Variants in PDK1 observed in about 807,000 individuals in gnomAD.
PDK1 encodes pyruvate dehydrogenase kinase 1.
A neutral mutation model predicts 54.2 loss-of-function variants in PDK1; 39 were observed. The ratio of observed to expected loss-of-function variants is 0.72; its 90% CI spans 0.56 to 0.94. The LOEUF is 0.94. PDK1 is among the 40% of genes least tolerant of loss of function. PDK1 has a pLI of 0.00. For synonymous variants in PDK1, 221 were observed against 207.1 expected (o/e 1.07, Z -0.58); for missense variants, 552 against 566.0 (o/e 0.98, Z 0.25).
chr2:172,593,800 GA>G (rs1690738043), intron 10 of PDK1, among the ~76,000 whole-genome samples: 1 of 152,008 alleles, frequency 6.6e-6, no homozygotes, highest in Admixed American at 6.5e-5. Flanking sequence ...TTACATGGTG[GA>G]AAAACACTAG....
At chr2:172,693,863 T>C in the PDK1 span, among the ~76,000 whole-genome samples, 1 of 152,126 alleles carries the variant, frequency 6.6e-6, no homozygotes, top group South Asian at 2.1e-4. Context: ...GCCCACTCCC[T>C]AACTACAATA....
the PDK1 span, among the ~76,000 whole-genome samples, chr2:172,673,099 AG>A: frequency 2.0e-3 from 303 of 152,328 alleles, 1 homozygote; most frequent in African/African-American, 7.0e-3. Context: ...ACTTGGAAGA[AG>A]GCCAAGTGGG....
the PDK1 span, chr2:172,724,132 C>T: frequency 6.6e-6 from 1 of 152,102 alleles, no homozygotes; most frequent in Non-Finnish European, 1.5e-5. Context: ...AATAATACTT[C>T]AATGTGCATC....
At chr2:172,584,888 T>G (rs1030642194) in intron 8 of PDK1, among the ~76,000 whole-genome samples, 1 of 151,124 alleles carries the variant, frequency 6.6e-6, no homozygotes, top group Non-Finnish European at 1.5e-5. Context: ...CAGGCTGGTC[T>G]GGAACTGCTG....
chr2:172,620,370 A>G, the PDK1 span, among the ~76,000 whole-genome samples: 10 of 152,276 alleles, frequency 6.6e-5, no homozygotes, highest in Non-Finnish European at 8.8e-5. Context: ...GGACTGAAAC[A>G]TGGCCACAGT....
chr2:172,698,573 C>T, the PDK1 span, among the ~76,000 whole-genome samples: 1 of 152,196 alleles, frequency 6.6e-6, no homozygotes, highest in African/African-American at 2.4e-5. Flanking sequence ...TGAGTGTGCA[C>T]CACAGCTATC....
At chr2:172,632,799 G>T in the PDK1 span, among the ~76,000 whole-genome samples, 1 of 151,740 alleles carries the variant, frequency 6.6e-6, no homozygotes, top group African/African-American at 2.4e-5. Context: ...GGCCAACATG[G>T]TGAAAACCCA....
intron 2 of PDK1, among the ~76,000 whole-genome samples, chr2:172,561,745 T>C (rs1030171968): frequency 6.6e-5 from 10 of 152,226 alleles, no homozygotes; most frequent in Admixed American, 5.2e-4. Context: ...CAATAAATAC[T>C]TGTTAGTTGG....
chr2:172,654,131 G>A, the PDK1 span, among the ~76,000 whole-genome samples: 1 of 152,206 alleles, frequency 6.6e-6, no homozygotes, highest in Non-Finnish European at 1.5e-5. Context: ...AGGTGCTGGA[G>A]AGGGTGTGGA....
chr2:172,559,797 C>T (rs1227532666), intron 2 of PDK1, among the ~76,000 whole-genome samples: 1 of 152,204 alleles, frequency 6.6e-6, no homozygotes, highest in Non-Finnish European at 1.5e-5. Context: ...GATCCTCCCA[C>T]CTTGGCTTCC....
the PDK1 span, among the ~76,000 whole-genome samples, chr2:172,699,904 G>A: frequency 1.3e-5 from 2 of 152,028 alleles, no homozygotes; most frequent in African/African-American, 2.4e-5. Context: ...GGGCCCTGCC[G>A]CCTTCCGAAC....
At chr2:172,695,406 C>G in the PDK1 span, among the ~76,000 whole-genome samples, 1 of 152,136 alleles carries the variant, frequency 6.6e-6, no homozygotes, top group Non-Finnish European at 1.5e-5. Flanking sequence ...ACATAGACAA[C>G]AGTCTATAGG....
rs1691317738 is a variant in PDK1, at chr2:172,606,925, A to G, written c.*10956A>G. ...ATTAAACAGTGGTAGTTTCTCTATC[A>G]TGCCACTTTTGTAGCATGCTTTGGG... On this transcript the variant is annotated 3_prime_UTR_variant, in exon 11 of 11. Coordinates refer to ENST00000282077, the MANE Select transcript of PDK1 (RefSeq NM_002610.5). 1.3e-5 allele frequency: 2 copies of G among 152,222 alleles called. No individual in the cohort carries two copies. Among genetic ancestry groups the G allele is most frequent in the African/African-American group, 4.8e-5 (2 of 41,538 alleles). The allele number at this position is 152,222 out of a possible 1,614,324, so 9.4% of individuals were successfully genotyped here.
At chr2:172,701,775 T>C in the PDK1 span, among the ~76,000 whole-genome samples, 1 of 152,038 alleles carries the variant, frequency 6.6e-6, no homozygotes, top group Admixed American at 6.6e-5. Context: ...CTTGGTGAAC[T>C]GAGCTCCTTA....
intron 8 of PDK1, among the ~76,000 whole-genome samples, chr2:172,579,897 C>G (rs1394939869): frequency 6.6e-6 from 1 of 151,940 alleles, no homozygotes; most frequent in African/African-American, 2.4e-5. Flanking sequence ...ACATCACTCC[C>G]TGTTTTTTAT....
the PDK1 span, among the ~76,000 whole-genome samples, chr2:172,623,175 C>T: frequency 6.6e-6 from 1 of 151,202 alleles, no homozygotes; most frequent in East Asian, 1.9e-4. Flanking sequence ...GTCTCAAAAA[C>T]AAAATAAAAC....
chr2:172,565,821 G>C (rs1400936333), intron 5 of PDK1, among the ~76,000 whole-genome samples: 1 of 152,182 alleles, frequency 6.6e-6, no homozygotes, highest in Non-Finnish European at 1.5e-5. Flanking sequence ...ACATCTTGCT[G>C]TTCAGTACAT....
At chr2:172,658,693 G>A in the PDK1 span, among the ~76,000 whole-genome samples, 549 of 152,190 alleles carry the variant, frequency 3.6e-3, 2 homozygotes, top group Middle Eastern at 6.8e-3. Context: ...CTGGGGGGAG[G>A]TCTATAAATG....
the PDK1 span, among the ~76,000 whole-genome samples, chr2:172,676,775 G>A: frequency 1.3e-5 from 2 of 152,160 alleles, no homozygotes; most frequent in Non-Finnish European, 2.9e-5. Flanking sequence ...TTATATTGTG[G>A]GCCAAATGCT....
Sources: gnomAD v4.1 joint callset for allele counts (sites outside exome capture counted in the v4.1 genomes callset) on GRCh38, gnomAD v4.1.1 for gene constraint, MANE v1.5 for transcripts, NCBI Gene and HGNC (gene_info 2026-07-23, HGNC 2026-07-21) for gene names.